ARHGAP26: variants seen among roughly 807,000 people sequenced by gnomAD.
ARHGAP26 encodes the protein rho GTPase-activating protein 26.
In ARHGAP26, 38 loss-of-function variants were observed where a neutral mutation model predicts 104.8. The observed-to-expected ratio is 0.36, with a 90% CI of 0.28 to 0.48. The LOEUF (loss-of-function observed/expected upper bound fraction) is 0.48, where lower values mean the gene tolerates loss of function less well. ARHGAP26 is among the 20% of genes least tolerant of loss of function. The pLI is 0.99. For missense variants in ARHGAP26, 704 were observed against 947.9 expected (o/e 0.74, Z 3.38); for synonymous variants, 341 against 340.0 (o/e 1.00, Z -0.03).
At chr5:143,082,844 C>T (rs998412604) in intron 17 of ARHGAP26, among the ~76,000 whole-genome samples, 2 of 152,200 alleles carry the variant, frequency 1.3e-5, no homozygotes, top group African/African-American at 4.8e-5. Context: ...GATGTTTTCC[C>T]ATGGCTTCTG....
chr5:142,835,704 ATT>A (rs1769416641), intron 1 of ARHGAP26, among the ~76,000 whole-genome samples: 1 of 152,156 alleles, frequency 6.6e-6, no homozygotes, highest in East Asian at 1.9e-4. Context: ...CTTTTCACAC[ATT>A]GTCTCACAGG....
intron 17 of ARHGAP26, among the ~76,000 whole-genome samples, chr5:143,094,863 T>C (rs1792075218): frequency 6.6e-6 from 1 of 151,816 alleles, no homozygotes; most frequent in Non-Finnish European, 1.5e-5. Flanking sequence ...TGAGTCGGGG[T>C]GGAGCAGGTA....
chr5:142,774,814 A>C (rs1035816209), intron 1 of ARHGAP26, among the ~76,000 whole-genome samples: 2 of 152,122 alleles, frequency 1.3e-5, no homozygotes, highest in South Asian at 4.1e-4. Flanking sequence ...CCAGAATGTC[A>C]TGTAGTTGGA....
chr5:143,010,802 C>T (rs1375301723), intron 11 of ARHGAP26: 3 of 152,148 alleles, frequency 2.0e-5, no homozygotes, highest in African/African-American at 4.8e-5. Context: ...GGCTGGAAGT[C>T]CTGCATTTTA....
In ARHGAP26 at chr5:143,081,067, G is replaced by A. The variant is rs139316966; in HGVS notation, c.1538+23320G>A. ...TTTTGGCCTTCACTGGGGGAGAAAC[G>A]GAGGTCTTGTCTTGTTTTATTGTTG... On this transcript the variant is annotated intron_variant, in intron 17 of 22. Transcript: ENST00000645722. Among the ~76,000 whole-genome samples, 88 of 152,248 alleles carry A rather than the reference G, an allele frequency of 5.8e-4. No individual in the cohort carries two copies. The Middle Eastern group carries it at 0.01, about 18-fold the overall frequency.
At chr5:143,076,262 T>C (rs1789009170) in intron 17 of ARHGAP26, among the ~76,000 whole-genome samples, 1 of 146,360 alleles carries the variant, frequency 6.8e-6, no homozygotes, top group Non-Finnish European at 1.5e-5. Flanking sequence ...CCTCTCAAAA[T>C]GCTGGGACTA....
chr5:143,038,491 A>C (rs1161963838), intron 13 of ARHGAP26, among the ~76,000 whole-genome samples: 2 of 152,088 alleles, frequency 1.3e-5, no homozygotes, highest in African/African-American at 4.8e-5. Context: ...ATTTCTGGGA[A>C]TTGGTCTTGA....
intron 12 of ARHGAP26, among the ~76,000 whole-genome samples, chr5:143,031,537 G>C (rs753626889): frequency 4.7e-5 from 7 of 149,868 alleles, no homozygotes; most frequent in Non-Finnish European, 7.4e-5. Flanking sequence ...TGATACTTGT[G>C]ATTTTGTTAT....
chr5:142,963,187 T>TACATATATATATATATATATACAC (rs1770634848), intron 11 of ARHGAP26, among the ~76,000 whole-genome samples: 1 of 96,202 alleles, frequency 1.0e-5, no homozygotes, highest in African/African-American at 5.7e-5. Flanking sequence ...TATATATATA[T>TACATATATATATATATATATACAC]ATATATATAT....
intron 20 of ARHGAP26, among the ~76,000 whole-genome samples, chr5:143,186,630 G>T (rs2151222295): frequency 6.6e-6 from 1 of 152,330 alleles, no homozygotes; most frequent in Admixed American, 6.5e-5. Context: ...CAGAGCTCAG[G>T]ATTGACACCT....
At chr5:143,142,156 TGA>T (rs1798619982) in intron 19 of ARHGAP26, among the ~76,000 whole-genome samples, 19 of 140,678 alleles carry the variant, frequency 1.4e-4, no homozygotes, top group East Asian at 8.0e-4. Context: ...TTTTTTTTTT[TGA>T]GACAGTCTTG....
chr5:142,787,300 A>T (rs972848521), intron 1 of ARHGAP26, among the ~76,000 whole-genome samples: 1 of 152,032 alleles, frequency 6.6e-6, no homozygotes, highest in South Asian at 2.1e-4. Context: ...TCAATAATTT[A>T]TATTTCAAGA....
rs373506061 is a variant in ARHGAP26, at chr5:142,864,487, T to C, written c.155-8913T>C. On this transcript the variant is annotated intron_variant, in intron 1 of 22. Transcript: ENST00000645722. Reference sequence around the variant, plus strand: ...CCAGAGGTGAAAGGAAATTGTAAATTTGTAGAAGCATTAGGGGTTTTCTGA... The same window carrying C: ...CCAGAGGTGAAAGGAAATTGTAAATCTGTAGAAGCATTAGGGGTTTTCTGA... 9.2e-5 allele frequency among the ~76,000 whole-genome samples: 14 copies of C among 152,304 alleles called. No homozygotes were observed. The East Asian group carries it at 1.9e-3, about 21-fold the overall frequency.
At chr5:142,900,568 G>A (rs1477466967) in intron 6 of ARHGAP26, among the ~76,000 whole-genome samples, 2 of 134,006 alleles carry the variant, frequency 1.5e-5, no homozygotes, top group Non-Finnish European at 3.1e-5. Context: ...ATATACTTTT[G>A]TGCTTACTAT....
rs535238102 is a variant in ARHGAP26 at position 142,794,061 on chromosome 5, A to G, written c.154+23146A>G. On this transcript the variant is annotated intron_variant, in intron 1 of 22. Coordinates refer to ENST00000645722, the MANE Select transcript of ARHGAP26 (RefSeq NM_001135608.3). Reference sequence around the variant, plus strand: ...GATGTTCTAACTGAAGACCTGCCAGACTCTCGTGACTCCAAAGGATATCAG... The same window carrying G: ...GATGTTCTAACTGAAGACCTGCCAGGCTCTCGTGACTCCAAAGGATATCAG... Among the ~76,000 whole-genome samples the G allele has an allele frequency of 2.0e-5, 3 of 152,090 alleles. No individual in the cohort carries two copies. In the East Asian group the frequency reaches 5.8e-4, roughly 29 times the overall value.
intron 12 of ARHGAP26, among the ~76,000 whole-genome samples, chr5:143,023,313 ATTG>A (rs1376268283): frequency 6.6e-6 from 1 of 152,070 alleles, no homozygotes. Context: ...TCTGTTTCCT[ATTG>A]TTGTGCCTCT....
intron 11 of ARHGAP26, among the ~76,000 whole-genome samples, chr5:142,975,503 G>C (rs37197): frequency 0.056 from 8,177 of 145,628 alleles, 470 homozygotes; most frequent in East Asian, 0.29. Flanking sequence ...TGACCTGAAT[G>C]TGGTTATTGT....
intron 17 of ARHGAP26, among the ~76,000 whole-genome samples, chr5:143,094,687 C>T (rs1388273295): frequency 2.6e-5 from 4 of 152,196 alleles, no homozygotes; most frequent in African/African-American, 9.7e-5. Flanking sequence ...ACACGTGTGG[C>T]CCCTGCTGCT....
At position 142,875,521 on chromosome 5, in the gene ARHGAP26, C is replaced by T. The variant is rs192874284; in HGVS notation, c.312+350C>T. Reference sequence around the variant, plus strand: ...AAAGAAGGTGCCCCACTCTGCCCCTCCCCCCATCTTATTGAACCTGATCAA... The same window carrying T: ...AAAGAAGGTGCCCCACTCTGCCCCTTCCCCCATCTTATTGAACCTGATCAA... On this transcript the variant is annotated intron_variant, in intron 3 of 22. Transcript: ENST00000645722. Among the ~76,000 whole-genome samples, 5 of 152,180 alleles carry T rather than the reference C, an allele frequency of 3.3e-5. No individual in the cohort carries two copies. In the East Asian group the frequency reaches 9.7e-4, roughly 29 times the overall value.
Sources: gnomAD v4.1 joint callset for allele counts (sites outside exome capture counted in the v4.1 genomes callset) on GRCh38, gnomAD v4.1.1 for gene constraint, MANE v1.5 for transcripts, NCBI Gene and HGNC (gene_info 2026-07-23, HGNC 2026-07-21) for gene names.